The following SMPX variants were observed in gnomAD, a reference collection of about 807,000 sequenced individuals.
SMPX encodes the protein small muscle protein X-linked, also known as small muscular protein.
Under a neutral mutation model 6.3 loss-of-function variants are expected in SMPX, and 2 were observed. That is an observed-to-expected ratio of 0.32 (90% CI 0.13 to 0.99). The LOEUF (loss-of-function observed/expected upper bound fraction) is 0.99. Among genes scored for constraint, SMPX ranks in the 50% least tolerant of loss-of-function variants. SMPX has a pLI of 0.49. For synonymous variants in SMPX, 32 were observed against 24.7 expected (o/e 1.30, Z -0.88); for missense variants, 60 against 66.8 (o/e 0.90, Z 0.36).
At chrX:21,715,295 TGTGTGTGTGCGCGCACGC>T (rs2092783215) in intron 4 of SMPX, among the ~76,000 whole-genome samples, 1 of 100,029 alleles carries the variant, frequency 1.0e-5, no homozygotes, top group African/African-American at 4.6e-5. Flanking sequence ...TGTGTGTGTG[TGTGTGTGTGCGCGCACGC>T]GCGCGCGCTC....
At chrX:21,749,704 T>C (rs2092825412) in intron 2 of SMPX, among the ~76,000 whole-genome samples, 1 of 112,267 alleles carries the variant, frequency 8.9e-6, no homozygotes. Flanking sequence ...GAAATCCCAC[T>C]GCACTGGGCC....
At chrX:21,715,835 G>A (rs1414944755) in intron 4 of SMPX, among the ~76,000 whole-genome samples, 8 of 111,405 alleles carry the variant, frequency 7.2e-5, no homozygotes, top group Admixed American at 9.5e-5. Flanking sequence ...TAGAGGCCAG[G>A]GATGCTGCTA....
rs1286072411 is a variant in SMPX, at chrX:21,754,165, G to A, written c.45+81C>T. The A allele has an allele frequency of 3.5e-6, 3 of 850,551 alleles. No individual in the cohort carries two copies. The East Asian group carries it at 9.4e-5, about 27-fold the overall frequency. 70.1% of individuals were successfully genotyped at this position (850,551 alleles called of 1,213,427 possible). A position where few individuals can be genotyped will look rare whatever the true frequency, so the allele number is the denominator to read the frequency against. On this transcript the variant is annotated intron_variant, in intron 2 of 4. Coordinates refer to ENST00000379494, the MANE Select transcript of SMPX (RefSeq NM_014332.3). The stretch of plus-strand genomic sequence containing the variant: ...TGAAGAACTTAATTTTCTTCTTGAA[G>A]TTCACCATCAGCTAGGAGTGAACAA...
chrX:21,727,042 A>G (rs946828152), intron 4 of SMPX, among the ~76,000 whole-genome samples: 2 of 112,300 alleles, frequency 1.8e-5, no homozygotes, highest in African/African-American at 3.2e-5. Context: ...ACCCAACTAG[A>G]CTGTGAGTCC....
At chrX:21,716,555 A>G (rs182417420) in intron 4 of SMPX, among the ~76,000 whole-genome samples, 2 of 112,671 alleles carry the variant, frequency 1.8e-5, no homozygotes, top group East Asian at 5.6e-4. Flanking sequence ...CATTTAGCAG[A>G]GTGCCTCTGA....
At chrX:21,713,231 T>C (rs186127272) in intron 4 of SMPX, among the ~76,000 whole-genome samples, 124 of 112,125 alleles carry the variant, frequency 1.1e-3, no homozygotes, top group Non-Finnish European at 1.7e-3. Context: ...AGAGTTTTGG[T>C]ATTGCTCCTC....
At chrX:21,729,306 C>T (rs772273599) in intron 4 of SMPX, among the ~76,000 whole-genome samples, 11 of 112,767 alleles carry the variant, frequency 9.8e-5, no homozygotes, top group Non-Finnish European at 1.9e-4. Flanking sequence ...CTAACATCAA[C>T]CTTTCAAGCA....
intron 4 of SMPX, among the ~76,000 whole-genome samples, chrX:21,709,884 T>C (rs1460220540): frequency 1.8e-5 from 2 of 111,823 alleles, no homozygotes; most frequent in East Asian, 5.6e-4. Context: ...TGATGATCCA[T>C]AGGAAATTGT....
chrX:21,734,148 C>A, intron 4 of SMPX, among the ~76,000 whole-genome samples: 1 of 112,103 alleles, frequency 8.9e-6, no homozygotes, highest in East Asian at 2.8e-4. Flanking sequence ...ATCCTGAGAG[C>A]AGGGACCAAG....
chrX:21,747,135 A>G (rs2092822360), intron 2 of SMPX, among the ~76,000 whole-genome samples: 1 of 111,661 alleles, frequency 9.0e-6, no homozygotes, highest in South Asian at 3.7e-4. Context: ...AACACCAATG[A>G]CCTAGAGTTG....
Position 21,743,831 on chromosome X carries a change from A to G in SMPX, c.51T>C (p.Asn17=), listed in dbSNP as rs373167796. 8.3e-7 allele frequency: 1 copy of G among 1,200,621 alleles called. No homozygotes were observed. The highest frequency in any genetic ancestry group is 1.1e-6 in the Non-Finnish European group (1 of 885,619). The change falls in exon 3 of 5, where the codon AAT becomes AAC. Residue 17 remains asparagine (N), a synonymous_variant. Coordinates refer to ENST00000379494, the MANE Select transcript of SMPX (RefSeq NM_014332.3). ...GAAAGGCTCCCATTGGAATATTGAT[A>G]TTTGCCTAAAAGAGAAAACAGGGTA... is the stretch of plus-strand genomic sequence containing the variant. The part of the protein sequence containing the change: ...PVSNVRAIQA[N]INIPMGAFRP...
At chrX:21,748,958 T>C (rs1602111888) in intron 2 of SMPX, among the ~76,000 whole-genome samples, 1 of 111,950 alleles carries the variant, frequency 8.9e-6, no homozygotes, top group Non-Finnish European at 1.9e-5. Context: ...ACACAGGAAA[T>C]ACTTAAGAGT....
chrX:21,706,555 C>A (rs2092773171), intron 4 of SMPX, among the ~76,000 whole-genome samples, 161 bp from the exon 5 acceptor site: 1 of 111,767 alleles, frequency 8.9e-6, no homozygotes, highest in African/African-American at 3.3e-5. Flanking sequence ...ATTAGCATAT[C>A]CATCACCTCA....
At chrX:21,757,919 C>A (rs1285617097) in intron 1 of SMPX, 23 bp downstream of exon 1, 5 of 325,645 alleles carry the variant, frequency 1.5e-5, no homozygotes. Context: ...ACCCAGTCGC[C>A]GGAGCTGCGT....
At chrX:21,710,567 A>T (rs933768890) in intron 4 of SMPX, among the ~76,000 whole-genome samples, 2 of 112,228 alleles carry the variant, frequency 1.8e-5, no homozygotes, top group Admixed American at 9.4e-5. Flanking sequence ...AATTTTTTTT[A>T]AAAACAGAGA....
At chrX:21,743,056 A>G (rs1345575962) in intron 3 of SMPX, among the ~76,000 whole-genome samples, 2 of 111,943 alleles carry the variant, frequency 1.8e-5, no homozygotes, top group African/African-American at 6.5e-5. Context: ...TTCCCTATTT[A>G]TGGCATTCAT....
At chrX:21,725,335 T>C (rs955283581) in intron 4 of SMPX, among the ~76,000 whole-genome samples, 8 of 112,032 alleles carry the variant, frequency 7.1e-5, no homozygotes, top group Non-Finnish European at 1.5e-4. Context: ...GCACAAAAGA[T>C]TACTAGAAAG....
intron 4 of SMPX, among the ~76,000 whole-genome samples, chrX:21,732,208 G>A (rs1352822897): frequency 9.0e-6 from 1 of 111,693 alleles, no homozygotes; most frequent in Non-Finnish European, 1.9e-5. Flanking sequence ...TGGATGACAG[G>A]TTGGTAAATA....
intron 4 of SMPX, among the ~76,000 whole-genome samples, chrX:21,730,312 A>G (rs1363450904): frequency 2.7e-5 from 3 of 112,365 alleles, no homozygotes; most frequent in African/African-American, 9.7e-5. Context: ...GTCAAAGACT[A>G]TGAGAAATAA....
Sources: gnomAD v4.1 joint callset for allele counts (sites outside exome capture counted in the v4.1 genomes callset) on GRCh38, gnomAD v4.1.1 for gene constraint, MANE v1.5 for transcripts, NCBI Gene and HGNC (gene_info 2026-07-23, HGNC 2026-07-21) for gene names.